AFAP1: variants seen among roughly 807,000 people sequenced by gnomAD.
AFAP1 encodes actin filament associated protein 1, also known as actin filament-associated protein 1.
AFAP1 carries 75 observed loss-of-function variants against 93.9 expected under a neutral mutation model. The ratio of observed to expected loss-of-function variants is 0.80; its 90% confidence interval spans 0.66 to 0.97. The LOEUF is 0.97. Ranked by LOEUF, AFAP1 falls within the 50% of genes least tolerant of loss-of-function variation. The probability of loss-of-function intolerance (pLI) is 0.00; values close to 1 mark genes in which losing one functional copy is unlikely to be tolerated. For missense variants in AFAP1, 1,201 were observed against 1,050.8 expected, an observed-to-expected ratio of 1.14 and a Z score of -1.98; for synonymous variants, 517 against 430.7, an observed-to-expected ratio of 1.20 and a Z score of -2.48.
intron 1 of AFAP1, among the ~76,000 whole-genome samples, chr4:7,892,238 A>T (rs1219135460): frequency 6.6e-6 from 1 of 152,098 alleles, no homozygotes; most frequent in Non-Finnish European, 1.5e-5. Context: ...TAAGTACAGA[A>T]GCATCACTTA....
Position 7,800,464 on chromosome 4 carries a change from C to T in AFAP1, c.1244G>A (p.Gly415Asp). Residue 415 changes from glycine (G) to aspartate (D), a missense_variant, in exon 10 of 18, where the codon GGC (glycine) becomes GAC (aspartate). Transcript: ENST00000420658. Reference protein sequence around the residue: ...HPLTFRLLRNGQEVAVLEASS... With the variant: ...HPLTFRLLRNDQEVAVLEASS... ...TACCTCCAATACTGCAACCTCCTGG[C>T]CGTTGCGCAGCAGCCGGAACGTCAG... 2 of 1,614,184 alleles carry T rather than the reference C, an allele frequency of 1.2e-6. No homozygotes were observed. Among genetic ancestry groups the T allele is most frequent in the Non-Finnish European group, 1.7e-6 (2 of 1,180,016 alleles).
chr4:7,843,289 C>A lies in AFAP1; in HGVS notation c.396G>T (p.Gly132=). The change falls in exon 5 of 18, where the codon GGG becomes GGT. Residue 132 remains glycine, a synonymous_variant. Transcript: ENST00000420658. The part of the protein sequence containing the change: ...YESYDEEEED[G]KGKKTRHQWP... ...ACTGGTGCCGGGTTTTCTTCCCCTT[C>A]CCATCCTCCTCCTCTTCATCATACG... is the stretch of plus-strand genomic sequence containing the variant. 6.2e-7 allele frequency: 1 copy of A among 1,614,156 alleles called. No homozygotes were observed. The highest frequency in any genetic ancestry group is 1.3e-5 in the African/African-American group (1 of 75,040).
intron 14 of AFAP1, chr4:7,778,220 G>C (rs1716352041): frequency 6.2e-6 from 1 of 161,700 alleles, no homozygotes; most frequent in African/African-American, 2.4e-5. Flanking sequence ...GTGGCTGTGG[G>C]AAGTAAACCG....
At chr4:7,878,043 G>C (rs545830907) in intron 1 of AFAP1, among the ~76,000 whole-genome samples, 2 of 152,136 alleles carry the variant, frequency 1.3e-5, no homozygotes, top group Non-Finnish European at 2.9e-5. Context: ...TGGTGGGCAT[G>C]GCGTACCAAA....
At chr4:7,937,806 A>G (rs932175194) in intron 1 of AFAP1, among the ~76,000 whole-genome samples, 41 of 152,174 alleles carry the variant, frequency 2.7e-4, no homozygotes, top group South Asian at 4.1e-4. Flanking sequence ...AGTTTTAATC[A>G]AGTACTCTGC....
intron 14 of AFAP1, chr4:7,777,344 T>C (rs145863427): frequency 2.0e-5 from 3 of 152,374 alleles, no homozygotes; most frequent in South Asian, 2.1e-4. Flanking sequence ...TCAACACGTA[T>C]GTTGGGTAGA....
intron 9 of AFAP1, among the ~76,000 whole-genome samples, chr4:7,802,879 G>A (rs1015351065): frequency 1.3e-4 from 20 of 152,076 alleles, no homozygotes; most frequent in African/African-American, 3.6e-4. Context: ...TCGATCTCCT[G>A]ACCTTGTGAT....
intron 5 of AFAP1, 27 bp from the exon 6 acceptor site, chr4:7,838,730 ATAT>A: frequency 6.2e-7 from 1 of 1,610,896 alleles, no homozygotes; most frequent in Non-Finnish European, 8.5e-7. Context: ...AAATCAACTG[ATAT>A]TATAAGGGAG....
intron 1 of AFAP1, among the ~76,000 whole-genome samples, chr4:7,924,445 G>A (rs1318177106): frequency 1.3e-5 from 2 of 152,182 alleles, no homozygotes; most frequent in African/African-American, 2.4e-5. Context: ...ATTCCCTAAC[G>A]ATGGACAGAC....
chr4:7,803,598 C>T (rs1490187255), intron 9 of AFAP1, among the ~76,000 whole-genome samples: 2 of 152,120 alleles, frequency 1.3e-5, no homozygotes, highest in East Asian at 1.9e-4. Context: ...TGCAGTGGGG[C>T]GGCAATTCCC....
At chr4:7,894,044 A>T (rs1045486584) in intron 1 of AFAP1, among the ~76,000 whole-genome samples, 13 of 152,098 alleles carry the variant, frequency 8.5e-5, no homozygotes, top group African/African-American at 3.1e-4. Context: ...ATGCCCCCAA[A>T]CGCTGCACTT....
rs775520237 is a variant in AFAP1 at position 7,786,239 on chromosome 4, G to A, written c.1485C>T (p.Ser495=). The A allele has an allele frequency of 1.9e-5, 31 of 1,614,160 alleles. No individual in the cohort carries two copies. Among genetic ancestry groups the A allele is most frequent in the Admixed American group, 8.3e-5 (5 of 60,028 alleles). The change falls in exon 12 of 18, where the codon AGC becomes AGT. Residue 495 remains serine, a synonymous_variant. Transcript: ENST00000420658. ...GGTSNGYAHP[S]GTALHYDDVP... Reference sequence around the variant, plus strand: ...CATCGTCATAATGAAGTGCCGTCCCGCTGGGGTGGGCATAGCCGTTGGAGG... The same window carrying A: ...CATCGTCATAATGAAGTGCCGTCCCACTGGGGTGGGCATAGCCGTTGGAGG...
intron 1 of AFAP1, among the ~76,000 whole-genome samples, chr4:7,906,208 C>T (rs1416589817): frequency 6.6e-6 from 1 of 152,206 alleles, no homozygotes; most frequent in African/African-American, 2.4e-5. Flanking sequence ...ACTCCCAGCT[C>T]TGCGACTCAT....
intron 5 of AFAP1, among the ~76,000 whole-genome samples, chr4:7,841,825 G>A (rs1713051063): frequency 4.6e-5 from 7 of 151,614 alleles, no homozygotes; most frequent in Admixed American, 4.6e-4. Context: ...GTTTTGAAGG[G>A]GGAAAGCTGG....
At chr4:7,906,849 C>A (rs1436140295) in intron 1 of AFAP1, among the ~76,000 whole-genome samples, 1 of 152,092 alleles carries the variant, frequency 6.6e-6, no homozygotes, top group African/African-American at 2.4e-5. Flanking sequence ...GGCGAAGCCC[C>A]ATCTCTACTA....
In AFAP1 at chr4:7,762,777, T is replaced by C. The variant is rs1478989365; in HGVS notation, c.*988A>G. The C allele has an allele frequency of 2.0e-5, 3 of 152,294 alleles. No individual in the cohort carries two copies. Among genetic ancestry groups the C allele is most frequent in the Admixed American group, 6.5e-5 (1 of 15,286 alleles). 9.4% of individuals were successfully genotyped at this position (152,294 alleles called of 1,614,324 possible). A position where few individuals can be genotyped will look rare whatever the true frequency, so the allele number is the denominator to read the frequency against. On this transcript the variant is annotated 3_prime_UTR_variant, in exon 18 of 18. Transcript: ENST00000420658. ...TCCTGCCTCTTGCTCTAAGGTGTTA[T>C]AGTTCCATGAGCGAACAAATTCCGG...
chr4:7,823,612 G>C (rs950794008), intron 6 of AFAP1, among the ~76,000 whole-genome samples: 4 of 152,196 alleles, frequency 2.6e-5, no homozygotes, highest in Admixed American at 6.5e-5. Context: ...CTAGCAGACA[G>C]ACGACGCTGC....
chr4:7,823,499 C>G (rs1163476431), intron 6 of AFAP1, among the ~76,000 whole-genome samples: 2 of 152,164 alleles, frequency 1.3e-5, no homozygotes, highest in Admixed American at 1.3e-4. Context: ...CACTTCCCCA[C>G]TCAGCCCTAC....
chr4:7,860,027 C>T (rs1715492766), intron 3 of AFAP1, among the ~76,000 whole-genome samples: 1 of 152,034 alleles, frequency 6.6e-6, no homozygotes, highest in South Asian at 2.1e-4. Context: ...CCTATAGTCC[C>T]AACTGCTAGG....
Sources: allele counts gnomAD v4.1 joint callset (sites outside exome capture counted in the v4.1 genomes callset), GRCh38; gene constraint gnomAD v4.1.1; transcripts MANE v1.5; gene names NCBI Gene and HGNC (gene_info 2026-07-23, HGNC 2026-07-21).